METTL15: variants seen among roughly 807,000 people sequenced by gnomAD.
The protein encoded by METTL15 is 12S rRNA N(4)-cytidine methyltransferase METTL15.
A neutral mutation model predicts 38.3 loss-of-function variants in METTL15; 34 were observed. The observed-to-expected ratio is 0.89, with a 90% CI of 0.68 to 1.18. The LOEUF (loss-of-function observed/expected upper bound fraction) is 1.18. Ranked by LOEUF, METTL15 falls within the 50% of genes most tolerant of loss-of-function variation. The pLI is 0.00. For synonymous variants in METTL15, 162 were observed against 170.9 expected (o/e 0.95, Z 0.41); for missense variants, 438 against 498.4 (o/e 0.88, Z 1.15).
intron 5 of METTL15, among the ~76,000 whole-genome samples, chr11:28,381,455 C>G (rs1203903881): frequency 6.6e-6 from 1 of 152,196 alleles, no homozygotes; most frequent in Admixed American, 6.5e-5. Flanking sequence ...CTATTACTTG[C>G]TATTGCTCAA....
intron 3 of METTL15, among the ~76,000 whole-genome samples, chr11:28,135,964 CT>C (rs989915044): frequency 1.1e-3 from 164 of 152,308 alleles, no homozygotes; most frequent in African/African-American, 2.2e-3. Context: ...CCTTTCAGCT[CT>C]TCATGAGTCC....
intron 3 of METTL15, among the ~76,000 whole-genome samples, chr11:28,168,545 C>A (rs983152465): frequency 6.6e-6 from 1 of 151,212 alleles, no homozygotes; most frequent in Non-Finnish European, 1.5e-5. Context: ...TATACATGTG[C>A]CACGTTGGTG....
rs113956102 is a variant in METTL15 at position 28,256,419 on chromosome 11, G to T, written c.408-33787G>T. ...CTTTTTGGGTTTTGGATTTATTCCT[G>T]GTTCAATCTTGGTAGGTTATATGCA... On this transcript the variant is annotated intron_variant, in intron 4 of 6. Transcript: ENST00000407364. Among the ~76,000 whole-genome samples, 100 of 152,170 alleles carry T rather than the reference G, an allele frequency of 6.6e-4. 1 individual carries two copies. Among genetic ancestry groups the T allele is most frequent in the African/African-American group, 2.3e-3 (96 of 41,528 alleles).
chr11:28,269,020 G>A (rs578002302), intron 4 of METTL15, among the ~76,000 whole-genome samples: 25 of 152,216 alleles, frequency 1.6e-4, no homozygotes, highest in South Asian at 4.2e-4. Flanking sequence ...CATTTTATTG[G>A]ATATAAATCA....
chr11:28,160,105 C>T, intron 3 of METTL15, among the ~76,000 whole-genome samples: 1 of 152,048 alleles, frequency 6.6e-6, no homozygotes, highest in Non-Finnish European at 1.5e-5. Context: ...ACTGGCCTAG[C>T]CTCCCAGCCT....
At chr11:28,238,334 C>G (rs1473953184) in intron 4 of METTL15, among the ~76,000 whole-genome samples, 1 of 152,206 alleles carries the variant, frequency 6.6e-6, no homozygotes, top group Non-Finnish European at 1.5e-5. Flanking sequence ...CCCAGCCTGG[C>G]TGCCGCCTTG....
At chr11:28,481,604 A>C (rs964335386) in intron 6 of METTL15, among the ~76,000 whole-genome samples, 4 of 152,120 alleles carry the variant, frequency 2.6e-5, no homozygotes, top group Non-Finnish European at 4.4e-5. Flanking sequence ...GCAGCTAGGC[A>C]TAATATCCCC....
chr11:28,311,118 A>G (rs2134026565), intron 6 of METTL15, among the ~76,000 whole-genome samples: 1 of 152,130 alleles, frequency 6.6e-6, no homozygotes, highest in East Asian at 1.9e-4. Context: ...TCCTCTTGGC[A>G]ATGTGGCATG....
chr11:28,137,236 A>G (rs1007242852), intron 3 of METTL15, among the ~76,000 whole-genome samples: 2 of 152,218 alleles, frequency 1.3e-5, no homozygotes, highest in African/African-American at 4.8e-5. Context: ...ATGTTCTCAT[A>G]TAGAATTTCT....
chr11:28,233,693 G>A (rs539771335), intron 4 of METTL15, among the ~76,000 whole-genome samples: 63 of 152,140 alleles, frequency 4.1e-4, no homozygotes, highest in African/African-American at 1.4e-3. Context: ...CAGTCACTCA[G>A]CTAACATCCA....
chr11:28,289,457 G>A (rs1856422930), intron 4 of METTL15, among the ~76,000 whole-genome samples: 1 of 152,136 alleles, frequency 6.6e-6, no homozygotes, highest in Non-Finnish European at 1.5e-5. Context: ...CATCTTGAGA[G>A]CATTGCCCAA....
chr11:28,354,815 T>C (rs929346055), intron 4 of METTL15, among the ~76,000 whole-genome samples: 6 of 152,226 alleles, frequency 3.9e-5, no homozygotes, highest in Non-Finnish European at 8.8e-5. Context: ...AATCCCTTCG[T>C]GTATGTTTTG....
rs567005416 is a variant in METTL15 at position 28,245,093 on chromosome 11, T to C, written c.407+33895T>C. 3.9e-5 allele frequency among the ~76,000 whole-genome samples: 6 copies of C among 152,326 alleles called. No individual in the cohort carries two copies. The East Asian group carries it at 1.2e-3, about 29-fold the overall frequency. ...TCTTAATTCTTAATTGATTTGCTTC[T>C]CATACTTTGGGCTGTATCCGTTGGG... On this transcript the variant is annotated intron_variant, in intron 4 of 6. Coordinates refer to ENST00000407364, the MANE Select transcript of METTL15 (RefSeq NM_001113528.2).
intron 3 of METTL15, among the ~76,000 whole-genome samples, chr11:28,122,371 G>GTATA (rs371299481): frequency 3.2e-4 from 25 of 77,650 alleles, no homozygotes; most frequent in Non-Finnish European, 4.2e-4. Context: ...GTGTGTGTGT[G>GTATA]TATATATATA....
chr11:28,155,921 AG>A (rs2133730181), intron 3 of METTL15, among the ~76,000 whole-genome samples: 1 of 152,298 alleles, frequency 6.6e-6, no homozygotes, highest in African/African-American at 2.4e-5. Flanking sequence ...TGTCTCTGTA[AG>A]GTCACTTATA....
At chr11:28,430,824 G>A (rs1366359561) in intron 6 of METTL15, among the ~76,000 whole-genome samples, 3 of 88,834 alleles carry the variant, frequency 3.4e-5, no homozygotes, top group Non-Finnish European at 5.0e-5. Context: ...CCCTCTGCCC[G>A]GCCAGCCGCC....
At chr11:28,235,823 G>T (rs1452570862) in intron 4 of METTL15, among the ~76,000 whole-genome samples, 1 of 152,044 alleles carries the variant, frequency 6.6e-6, no homozygotes, top group East Asian at 1.9e-4. Context: ...CATTGCCCTG[G>T]CCAGAACTTC....
downstream of METTL15, among the ~76,000 whole-genome samples, chr11:28,337,336 T>C (rs1474052550): frequency 6.6e-6 from 1 of 152,100 alleles, no homozygotes; most frequent in African/African-American, 2.4e-5. Flanking sequence ...GGATCACAGC[T>C]TGTTGCAGTC....
intron 2 of METTL15, among the ~76,000 whole-genome samples, chr11:28,110,641 T>G (rs1565097780): frequency 6.6e-6 from 1 of 152,292 alleles, no homozygotes; most frequent in East Asian, 1.9e-4. Context: ...CTCTTTCACT[T>G]TCTCAGCGTT....
Sources: gnomAD v4.1 joint callset for allele counts (sites outside exome capture counted in the v4.1 genomes callset) on GRCh38, gnomAD v4.1.1 for gene constraint, MANE v1.5 for transcripts, NCBI Gene and HGNC (gene_info 2026-07-23, HGNC 2026-07-21) for gene names.